GALNT13: variants seen among roughly 807,000 people sequenced by gnomAD.
GALNT13 encodes the protein UDP-GalNAc:polypeptide N-acetylgalactosaminyltransferase 13.
A neutral mutation model predicts 64.2 loss-of-function variants in GALNT13; 28 were observed. The observed-to-expected ratio is 0.44, with a 90% confidence interval of 0.32 to 0.60. The LOEUF (loss-of-function observed/expected upper bound fraction) is 0.60, where lower values mean the gene tolerates loss of function less well. Among genes scored for constraint, GALNT13 ranks in the 20% least tolerant of loss-of-function variants. GALNT13 has a pLI of 0.05. For synonymous variants in GALNT13, 214 were observed against 224.6 expected (o/e 0.95, Z 0.42); for missense variants, 577 against 669.8 (o/e 0.86, Z 1.53).
rs74266727 is a variant in GALNT13 at position 154,437,514 on chromosome 2, G to C, written c.1396-1078G>C. 371 of 1,275,456 alleles carry C rather than the reference G, an allele frequency of 2.9e-4. 3 individuals are homozygous for C. In the East Asian group the frequency reaches 0.014, roughly 49 times the overall value. 79.0% of individuals were successfully genotyped at this position (1,275,456 alleles called of 1,614,324 possible). A position where few individuals can be genotyped will look rare whatever the true frequency, so the allele number is the denominator to read the frequency against. ...AAAAACCCACAGAATACTGAACAAT[G>C]CTTATCGTAGTTAAAAGAAGAAAAC... On this transcript the variant is annotated intron_variant, in intron 11 of 12. Coordinates refer to ENST00000392825, the MANE Select transcript of GALNT13 (RefSeq NM_052917.4).
At chr2:153,315,451 A>G in the GALNT13 span, among the ~76,000 whole-genome samples, 5 of 152,254 alleles carry the variant, frequency 3.3e-5, no homozygotes, top group Non-Finnish European at 5.9e-5. Flanking sequence ...AGCAGGTTTA[A>G]CCATATGAAT....
At chr2:153,572,466 T>A in the GALNT13 span, among the ~76,000 whole-genome samples, 1 of 151,868 alleles carries the variant, frequency 6.6e-6, no homozygotes, top group Non-Finnish European at 1.5e-5. Context: ...CTTTATTATT[T>A]ATTTTCTTCT....
chr2:153,778,079 G>A, the GALNT13 span, among the ~76,000 whole-genome samples: 1 of 152,176 alleles, frequency 6.6e-6, no homozygotes, highest in Non-Finnish European at 1.5e-5. Context: ...TGGCCAAACT[G>A]CCTTGTTCCA....
the GALNT13 span, among the ~76,000 whole-genome samples, chr2:153,102,224 C>G: frequency 6.6e-6 from 1 of 152,006 alleles, no homozygotes; most frequent in Non-Finnish European, 1.5e-5. Context: ...CTGTCTTTGT[C>G]TCTTTGTTTC....
intron 9 of GALNT13, among the ~76,000 whole-genome samples, chr2:154,334,642 TAC>T (rs1695343542): frequency 6.6e-6 from 1 of 152,020 alleles, no homozygotes; most frequent in South Asian, 2.1e-4. Flanking sequence ...TAGCAATCAC[TAC>T]AGTTTGTTGT....
chr2:153,922,799 A>G (rs1689845410), intron 2 of GALNT13, among the ~76,000 whole-genome samples: 1 of 152,140 alleles, frequency 6.6e-6, no homozygotes. Context: ...ATAAATGGAA[A>G]TGAATATTTT....
the GALNT13 span, among the ~76,000 whole-genome samples, chr2:153,824,597 A>C: frequency 6.6e-6 from 1 of 152,154 alleles, no homozygotes; most frequent in East Asian, 1.9e-4. Flanking sequence ...TGTGGGAGGC[A>C]AAATTCTAAG....
chr2:153,725,073 T>C, the GALNT13 span, among the ~76,000 whole-genome samples: 4 of 149,444 alleles, frequency 2.7e-5, no homozygotes, highest in Admixed American at 6.6e-5. Flanking sequence ...CCAACAATGA[T>C]AGACTGGATT....
the GALNT13 span, among the ~76,000 whole-genome samples, chr2:153,221,271 A>C: frequency 3.9e-5 from 6 of 152,148 alleles, no homozygotes; most frequent in Admixed American, 3.9e-4. Flanking sequence ...ACAGGGAGAG[A>C]CTCTGTCTCA....
intron 4 of GALNT13, among the ~76,000 whole-genome samples, chr2:154,171,046 A>G (rs1380924967): frequency 6.6e-6 from 1 of 152,134 alleles, no homozygotes; most frequent in East Asian, 1.9e-4. Context: ...TAAATTATCA[A>G]AAGAATATCT....
intron 9 of GALNT13, among the ~76,000 whole-genome samples, chr2:154,354,495 C>T (rs1405942014): frequency 1.5e-5 from 2 of 133,330 alleles, no homozygotes; most frequent in African/African-American, 5.6e-5. Context: ...TTGGCCATGG[C>T]CATGTCAGTT....
At chr2:153,238,582 G>A in the GALNT13 span, among the ~76,000 whole-genome samples, 1 of 144,474 alleles carries the variant, frequency 6.9e-6, no homozygotes, top group Non-Finnish European at 1.6e-5. Context: ...ATTTATTGAA[G>A]AGACTGTCTT....
At chr2:153,587,582 C>A in the GALNT13 span, among the ~76,000 whole-genome samples, 2 of 152,138 alleles carry the variant, frequency 1.3e-5, no homozygotes, top group African/African-American at 4.8e-5. Flanking sequence ...GAGACTTATT[C>A]ACTATCACAA....
intron 2 of GALNT13, among the ~76,000 whole-genome samples, chr2:153,909,812 A>G (rs994153888): frequency 6.6e-6 from 1 of 151,944 alleles, no homozygotes; most frequent in African/African-American, 2.4e-5. Flanking sequence ...TTTTGATGGC[A>G]CTGCTGGATT....
the GALNT13 span, among the ~76,000 whole-genome samples, chr2:153,550,400 A>AT: frequency 2.2e-4 from 33 of 147,016 alleles, no homozygotes; most frequent in East Asian, 8.0e-4. Context: ...ACACTCAGCT[A>AT]TTTTTTTTTT....
At chr2:153,744,026 A>G in the GALNT13 span, among the ~76,000 whole-genome samples, 2 of 152,154 alleles carry the variant, frequency 1.3e-5, no homozygotes, top group East Asian at 3.9e-4. Flanking sequence ...ATGGCTGAAG[A>G]GTACTCCAAT....
intron 11 of GALNT13, chr2:154,435,950 T>C (rs989047418): frequency 1.3e-5 from 2 of 152,130 alleles, no homozygotes; most frequent in African/African-American, 4.8e-5. Context: ...ACCTAATAAT[T>C]TCCAGATAAA....
intron 4 of GALNT13, among the ~76,000 whole-genome samples, chr2:154,164,444 AT>A (rs34670862): frequency 6.6e-6 from 1 of 152,078 alleles, no homozygotes; most frequent in African/African-American, 2.4e-5. Context: ...AACTAGATAT[AT>A]TTTTTGACAA....
At chr2:154,311,458 T>C (rs2105129749) in intron 9 of GALNT13, among the ~76,000 whole-genome samples, 1 of 150,678 alleles carries the variant, frequency 6.6e-6, no homozygotes, top group South Asian at 2.1e-4. Context: ...GGGGAGGGAG[T>C]ATACGAATAG....
Sources: gnomAD v4.1 joint callset for allele counts (sites outside exome capture counted in the v4.1 genomes callset) on GRCh38, gnomAD v4.1.1 for gene constraint, MANE v1.5 for transcripts, NCBI Gene and HGNC (gene_info 2026-07-23, HGNC 2026-07-21) for gene names.